IL34: variants seen among roughly 807,000 people sequenced by gnomAD.
IL34 encodes the protein interleukin-34.
Under a neutral mutation model 25.3 loss-of-function variants are expected in IL34, and 17 were observed. That is an observed-to-expected ratio of 0.67 (90% CI 0.46 to 1.01). The LOEUF (loss-of-function observed/expected upper bound fraction) is 1.01. Ranked by LOEUF, IL34 falls within the 50% of genes least tolerant of loss-of-function variation. The probability of loss-of-function intolerance (pLI) is 0.00; values close to 1 mark genes in which losing one functional copy is unlikely to be tolerated. For missense variants in IL34, 368 were observed against 312.9 expected, an observed-to-expected ratio of 1.18 and a Z score of -1.33; for synonymous variants, 174 against 140.9, an observed-to-expected ratio of 1.23 and a Z score of -1.66.
intron 1 of IL34, among the ~76,000 whole-genome samples, chr16:70,602,375 A>G (rs1468937476): frequency 3.3e-5 from 5 of 152,086 alleles, no homozygotes; most frequent in African/African-American, 9.7e-5. Context: ...CTTATCTTTA[A>G]AATGAGGGTG....
At chr16:70,617,801 G>A (rs1420125672) in intron 1 of IL34, among the ~76,000 whole-genome samples, 1 of 151,942 alleles carries the variant, frequency 6.6e-6, no homozygotes, top group African/African-American at 2.4e-5. Flanking sequence ...ACTAATAAAG[G>A]CTCGTCTGTT....
intron 1 of IL34, among the ~76,000 whole-genome samples, chr16:70,650,257 T>G (rs1208014356): frequency 6.6e-6 from 1 of 152,126 alleles, no homozygotes; most frequent in Non-Finnish European, 1.5e-5. Flanking sequence ...GGTCCCTGTT[T>G]GTTAACCTGT....
intron 1 of IL34, among the ~76,000 whole-genome samples, chr16:70,653,913 A>G (rs567932429): frequency 1.6e-4 from 24 of 152,236 alleles, no homozygotes; most frequent in African/African-American, 4.6e-4. Context: ...GTGGCAAAGG[A>G]TGGTAATGTT....
chr16:70,630,921 T>G (rs908562869), intron 1 of IL34, among the ~76,000 whole-genome samples: 1 of 152,162 alleles, frequency 6.6e-6, no homozygotes. Flanking sequence ...TGCTTCCAAA[T>G]CTTGGCTATT....
At chr16:70,655,119 C>G (rs1428161741) in intron 2 of IL34, among the ~76,000 whole-genome samples, 3 of 148,904 alleles carry the variant, frequency 2.0e-5, no homozygotes, top group Non-Finnish European at 3.0e-5. Context: ...GTGGCTCAAT[C>G]TTGGCTCACT....
chr16:70,646,318 C>T (rs1414463274), upstream of IL34, among the ~76,000 whole-genome samples: 1 of 152,164 alleles, frequency 6.6e-6, no homozygotes, highest in Non-Finnish European at 1.5e-5. Flanking sequence ...CCTGTTCATT[C>T]CTTGGTCCTG....
chr16:70,635,404 C>T (rs374684519), intron 1 of IL34, among the ~76,000 whole-genome samples: 5 of 152,220 alleles, frequency 3.3e-5, no homozygotes, highest in African/African-American at 1.2e-4. Context: ...TCTCCTGCTG[C>T]TCTCAGGAAG....
intron 1 of IL34, among the ~76,000 whole-genome samples, chr16:70,606,226 G>A (rs918479173): frequency 6.6e-6 from 1 of 151,588 alleles, no homozygotes; most frequent in Non-Finnish European, 1.5e-5. Flanking sequence ...GCGAAACCCC[G>A]TCTCTACTAA....
chr16:70,583,365 G>A (rs2050656375), intron 1 of IL34, among the ~76,000 whole-genome samples: 1 of 151,986 alleles, frequency 6.6e-6, no homozygotes. Context: ...GCCTTCCAAA[G>A]TGCTGGGATT....
At chr16:70,655,989 G>T (rs1013561284) in intron 2 of IL34, among the ~76,000 whole-genome samples, 39 of 152,216 alleles carry the variant, frequency 2.6e-4, no homozygotes, top group Non-Finnish European at 2.9e-5. Flanking sequence ...TCACAGAGTT[G>T]TGCAACCATC....
chr16:70,606,684 C>T (rs2051010125), intron 1 of IL34, among the ~76,000 whole-genome samples: 1 of 151,990 alleles, frequency 6.6e-6, no homozygotes, highest in Non-Finnish European at 1.5e-5. Context: ...ACCTCCTGGG[C>T]TTAATTGATC....
At chr16:70,645,348 C>T (rs1304714800), upstream of IL34, among the ~76,000 whole-genome samples, 1 of 152,110 alleles carries the variant, frequency 6.6e-6, no homozygotes, top group Non-Finnish European at 1.5e-5. Context: ...TTTGGTGACA[C>T]CATGGATCAC....
At chr16:70,655,238 AGACG>A (rs946996762) in intron 2 of IL34, among the ~76,000 whole-genome samples, 10 of 149,118 alleles carry the variant, frequency 6.7e-5, no homozygotes, top group African/African-American at 2.5e-4. Context: ...ATTTTAGTAG[AGACG>A]GGGTTTCACC....
intron 1 of IL34, among the ~76,000 whole-genome samples, chr16:70,640,626 TA>T (rs149787357): frequency 1.2e-3 from 158 of 131,752 alleles, no homozygotes; most frequent in Middle Eastern, 4.1e-3. Context: ...TCCGTCTCAA[TA>T]AAAAAAAAAA....
At chr16:70,657,423 G>A (rs566275905) in intron 4 of IL34, 18 of 314,546 alleles carry the variant, frequency 5.7e-5, no homozygotes, top group Non-Finnish European at 9.4e-5. Flanking sequence ...CTTTGTTTCT[G>A]CAACACGAGG....
At chr16:70,602,971 A>T (rs989752667) in intron 1 of IL34, among the ~76,000 whole-genome samples, 1 of 152,072 alleles carries the variant, frequency 6.6e-6, no homozygotes, top group Non-Finnish European at 1.5e-5. Flanking sequence ...CCCTGAAATG[A>T]GGTAGCACCA....
At chr16:70,610,713 C>G (rs1460440729) in intron 1 of IL34, among the ~76,000 whole-genome samples, 1 of 152,148 alleles carries the variant, frequency 6.6e-6, no homozygotes, top group African/African-American at 2.4e-5. Context: ...AAGAAGAAAC[C>G]AGCTGGGGAG....
At chr16:70,582,845 T>A (rs2050650058) in intron 1 of IL34, among the ~76,000 whole-genome samples, 1 of 152,162 alleles carries the variant, frequency 6.6e-6, no homozygotes, top group Non-Finnish European at 1.5e-5. Flanking sequence ...AATGGCCCAG[T>A]CAGCCTGGGT....
At chr16:70,629,096 A>T (rs1462012420) in intron 1 of IL34, among the ~76,000 whole-genome samples, 1 of 152,106 alleles carries the variant, frequency 6.6e-6, no homozygotes, top group African/African-American at 2.4e-5. Flanking sequence ...TGTTTATAGT[A>T]GTTTGTTGAT....
Sources: gnomAD v4.1 joint callset for allele counts (sites outside exome capture counted in the v4.1 genomes callset) on GRCh38, gnomAD v4.1.1 for gene constraint, MANE v1.5 for transcripts, NCBI Gene and HGNC (gene_info 2026-07-23, HGNC 2026-07-21) for gene names.